The following FMN2 variants were observed in gnomAD, a reference collection of about 807,000 sequenced individuals.
FMN2 encodes formin 2.
In FMN2, 51 loss-of-function variants were observed where a neutral mutation model predicts 142.3. That is an observed-to-expected ratio of 0.36 (90% CI 0.29 to 0.45). The LOEUF (loss-of-function observed/expected upper bound fraction) is 0.45. Ranked by LOEUF, FMN2 falls within the 20% of genes least tolerant of loss-of-function variation. The pLI is 1.00. For missense variants in FMN2, 1,936 were observed against 2,122.8 expected, an observed-to-expected ratio of 0.91 and a Z score of 1.73; for synonymous variants, 882 against 869.8, an observed-to-expected ratio of 1.01 and a Z score of -0.25.
intron 1 of FMN2, among the ~76,000 whole-genome samples, chr1:240,118,097 T>C (rs961690002): frequency 1.3e-5 from 2 of 151,916 alleles, no homozygotes; most frequent in Non-Finnish European, 2.9e-5. Flanking sequence ...GCTCAGTGTG[T>C]TTGAGGAGGA....
chr1:240,320,530 G>A (rs1024318760), intron 8 of FMN2, among the ~76,000 whole-genome samples: 2 of 152,156 alleles, frequency 1.3e-5, no homozygotes, highest in Non-Finnish European at 2.9e-5. Context: ...ACCTGGGACC[G>A]ATAGCTAAAA....
Position 240,305,332 on chromosome 1 carries a change from C to A in FMN2, c.4215+10449C>A, listed in dbSNP as rs567072298. On this transcript the variant is annotated intron_variant, in intron 8 of 17. Coordinates refer to ENST00000319653, the MANE Select transcript of FMN2 (RefSeq NM_020066.5). The stretch of plus-strand genomic sequence containing the variant: ...TACTCTCTGTAATACAAGATATATT[C>A]AATCTAGGTTTTGCTGAGAAAGAAA... Among the ~76,000 whole-genome samples, 6 of 152,250 alleles carry A rather than the reference C, an allele frequency of 3.9e-5. No individual in the cohort carries two copies. In the South Asian group the frequency reaches 1.0e-3, roughly 26 times the overall value.
At chr1:240,151,615 T>A (rs527809655) in intron 2 of FMN2, among the ~76,000 whole-genome samples, 1 of 152,256 alleles carries the variant, frequency 6.6e-6, no homozygotes, top group East Asian at 1.9e-4. Flanking sequence ...TCTTTTTGCT[T>A]AAGAAAATCT....
At chr1:240,310,258 AC>A (rs1662948469) in intron 8 of FMN2, among the ~76,000 whole-genome samples, 1 of 152,228 alleles carries the variant, frequency 6.6e-6, no homozygotes, top group Non-Finnish European at 1.5e-5. Flanking sequence ...TCCCATAAAT[AC>A]AACACACTTT....
intron 15 of FMN2, among the ~76,000 whole-genome samples, chr1:240,427,866 C>T (rs1675013587): frequency 6.6e-6 from 1 of 152,140 alleles, no homozygotes; most frequent in Non-Finnish European, 1.5e-5. Context: ...TTCAGTTGTC[C>T]ATTTTTGTGA....
At chr1:240,445,018 A>C (rs1230379437) in intron 16 of FMN2, among the ~76,000 whole-genome samples, 1 of 152,204 alleles carries the variant, frequency 6.6e-6, no homozygotes, top group Non-Finnish European at 1.5e-5. Context: ...TCAGGCATCA[A>C]TTTTTAGAAA....
intron 14 of FMN2, among the ~76,000 whole-genome samples, chr1:240,368,453 T>C (rs1335044358): frequency 6.6e-6 from 1 of 152,204 alleles, no homozygotes; most frequent in Non-Finnish European, 1.5e-5. Flanking sequence ...GTACAAATAT[T>C]TCTAAAGACC....
At chr1:240,457,204 G>T (rs1328247013) in intron 16 of FMN2, among the ~76,000 whole-genome samples, 1 of 152,138 alleles carries the variant, frequency 6.6e-6, no homozygotes, top group Non-Finnish European at 1.5e-5. Flanking sequence ...CAAAATCAAT[G>T]TTCCCCAACC....
chr1:240,442,571 GTTAATGGTGTCC>G (rs1675660996), intron 16 of FMN2, among the ~76,000 whole-genome samples: 1 of 152,216 alleles, frequency 6.6e-6, no homozygotes, highest in Non-Finnish European at 1.5e-5. Context: ...GAAAGATGGT[GTTAATGGTGTCC>G]TTGAAATTTT....
At chr1:240,159,950 T>A (rs1014947173) in intron 2 of FMN2, among the ~76,000 whole-genome samples, 19 of 75,898 alleles carry the variant, frequency 2.5e-4, no homozygotes, top group Non-Finnish European at 4.0e-4. Context: ...TATATATATA[T>A]CTATATCTGT....
At chr1:240,216,948 CAA>C (rs35536429) in intron 6 of FMN2, among the ~76,000 whole-genome samples, 18 of 140,580 alleles carry the variant, frequency 1.3e-4, no homozygotes, top group South Asian at 2.3e-4. Context: ...GACTCCGTCT[CAA>C]AAAAAAAAAA....
intron 2 of FMN2, among the ~76,000 whole-genome samples, chr1:240,163,677 C>G (rs1295774003): frequency 6.6e-6 from 1 of 151,822 alleles, no homozygotes; most frequent in East Asian, 1.9e-4. Flanking sequence ...ATAACTAAGT[C>G]CATTTACATT....
At chr1:240,120,349 A>G (rs1662183985) in intron 1 of FMN2, among the ~76,000 whole-genome samples, 1 of 152,218 alleles carries the variant, frequency 6.6e-6, no homozygotes, top group Non-Finnish European at 1.5e-5. Context: ...TAAACCAGTG[A>G]AAAATATGCG....
chr1:240,104,119 C>G (rs1661517523), intron 1 of FMN2, among the ~76,000 whole-genome samples: 1 of 151,060 alleles, frequency 6.6e-6, no homozygotes, highest in Non-Finnish European at 1.5e-5. Context: ...ACCTCGTGAT[C>G]CGCCCGCCTC....
chr1:240,357,510 T>C (rs935509354), intron 14 of FMN2, among the ~76,000 whole-genome samples: 3 of 152,130 alleles, frequency 2.0e-5, no homozygotes, highest in Non-Finnish European at 4.4e-5. Context: ...GTTAGAGGTG[T>C]TTAGGATTTG....
intron 2 of FMN2, chr1:240,170,623 G>A: frequency 6.3e-7 from 1 of 1,575,562 alleles, no homozygotes; most frequent in Non-Finnish European, 8.7e-7. Flanking sequence ...ATGCACAGTT[G>A]TGGCTGATAT....
At chr1:240,440,324 C>G (rs1194969303) in intron 16 of FMN2, among the ~76,000 whole-genome samples, 1 of 152,152 alleles carries the variant, frequency 6.6e-6, no homozygotes, top group Non-Finnish European at 1.5e-5. Flanking sequence ...TAATACATGC[C>G]CCATGACAGC....
At chr1:240,268,623 C>T (rs1352643975) in intron 7 of FMN2, among the ~76,000 whole-genome samples, 2 of 151,996 alleles carry the variant, frequency 1.3e-5, no homozygotes, top group African/African-American at 4.8e-5. Context: ...TAAGTAGAGA[C>T]ATAGACAGAT....
intron 16 of FMN2, among the ~76,000 whole-genome samples, chr1:240,451,320 C>G (rs1676034860): frequency 1.3e-5 from 2 of 151,212 alleles, no homozygotes; most frequent in South Asian, 4.2e-4. Context: ...GATCACAACA[C>G]TGCACTCTAG....
Sources: allele counts gnomAD v4.1 joint callset (sites outside exome capture counted in the v4.1 genomes callset), GRCh38; gene constraint gnomAD v4.1.1; transcripts MANE v1.5; gene names NCBI Gene and HGNC (gene_info 2026-07-23, HGNC 2026-07-21).